The following ABLIM1 variants were observed in gnomAD, a reference collection of about 807,000 sequenced individuals.
The protein encoded by ABLIM1 is actin-binding LIM protein 1.
ABLIM1 carries 40 observed loss-of-function variants against 107.0 expected under a neutral mutation model. The observed-to-expected ratio is 0.37, with a 90% confidence interval of 0.29 to 0.49. The LOEUF (loss-of-function observed/expected upper bound fraction) is 0.49. ABLIM1 is among the 20% of genes least tolerant of loss of function. ABLIM1 has a pLI of 0.97. For missense variants in ABLIM1, 857 were observed against 1,008.5 expected (o/e 0.85, Z 2.04); for synonymous variants, 357 against 357.3 (o/e 1.00, Z 0.01).
intron 10 of ABLIM1, among the ~76,000 whole-genome samples, chr10:114,471,931 G>T (rs1454441523): frequency 1.3e-5 from 2 of 151,968 alleles, no homozygotes; most frequent in Admixed American, 6.5e-5. Context: ...AGAGTGAGCC[G>T]ATTGGCCAGG....
intron 3 of ABLIM1, 69 bp downstream of exon 3, chr10:114,575,347 T>C: frequency 2.6e-6 from 4 of 1,563,712 alleles, no homozygotes; most frequent in Non-Finnish European, 3.5e-6. Flanking sequence ...TAATCCAACC[T>C]TTAACAGCCC....
intron 1 of ABLIM1, among the ~76,000 whole-genome samples, chr10:114,756,706 C>G (rs1223149166): frequency 6.6e-6 from 1 of 152,164 alleles, no homozygotes; most frequent in Non-Finnish European, 1.5e-5. Flanking sequence ...AGCACCATTT[C>G]CTGTGCTTAG....
intron 6 of ABLIM1, among the ~76,000 whole-genome samples, chr10:114,540,128 T>G (rs1330736415): frequency 6.6e-6 from 1 of 152,148 alleles, no homozygotes; most frequent in African/African-American, 2.4e-5. Flanking sequence ...AAACAAGTGA[T>G]GAGAAATCAA....
upstream of ABLIM1, among the ~76,000 whole-genome samples, chr10:114,662,237 T>C (rs529423184): frequency 9.9e-5 from 15 of 152,094 alleles, no homozygotes; most frequent in African/African-American, 3.6e-4. Context: ...TTTTCATTTT[T>C]GTTGTTGTTT....
At chr10:114,786,840 C>T in the ABLIM1 span, among the ~76,000 whole-genome samples, 4 of 152,254 alleles carry the variant, frequency 2.6e-5, no homozygotes, top group Admixed American at 6.5e-5. Flanking sequence ...GATCTCGGCT[C>T]GCTACAACAT....
chr10:114,573,984 A>T (rs1025856530), intron 3 of ABLIM1, among the ~76,000 whole-genome samples: 2 of 152,214 alleles, frequency 1.3e-5, no homozygotes, highest in Admixed American at 6.5e-5. Flanking sequence ...ATTATGATTT[A>T]AAAAAATGAA....
intron 2 of ABLIM1, among the ~76,000 whole-genome samples, chr10:114,597,671 C>T (rs1030706719): frequency 6.6e-6 from 1 of 152,126 alleles, no homozygotes; most frequent in Non-Finnish European, 1.5e-5. Flanking sequence ...CAGAGATGGC[C>T]TGAGAATACG....
chr10:114,709,246 A>G (rs1484092145), intron 1 of ABLIM1, among the ~76,000 whole-genome samples: 1 of 152,178 alleles, frequency 6.6e-6, no homozygotes, highest in Non-Finnish European at 1.5e-5. Flanking sequence ...CACTGGAGTT[A>G]GATGGGAATG....
chr10:114,526,843 CA>C, intron 6 of ABLIM1: 1 of 985,466 alleles, frequency 1.0e-6, no homozygotes, highest in Non-Finnish European at 1.2e-6. Flanking sequence ...TCGGCTAAGG[CA>C]ACGTGCATCC....
At chr10:114,518,682 G>A (rs546001062) in intron 6 of ABLIM1, among the ~76,000 whole-genome samples, 3 of 151,836 alleles carry the variant, frequency 2.0e-5, no homozygotes, top group South Asian at 4.2e-4. Context: ...TAGCCCATAC[G>A]TAGCTGAGAC....
chr10:114,433,941 C>T lies in ABLIM1; in HGVS notation c.*2319G>A, dbSNP rs1220963429. The stretch of plus-strand genomic sequence containing the variant: ...AAACGTAGGGACCCTTTATTAGCTC[C>T]ATAATGAAAAAAATCTCTCCACCAG... On this transcript the variant is annotated 3_prime_UTR_variant, in exon 23 of 23. Transcript: ENST00000533213. The T allele has an allele frequency of 6.6e-6, 1 of 152,120 alleles. No homozygotes were observed. The highest frequency in any genetic ancestry group is 1.5e-5 in the Non-Finnish European group (1 of 68,032). The allele number at this position is 152,120 out of a possible 1,614,324, so 9.4% of individuals were successfully genotyped here. A position where few individuals can be genotyped will look rare whatever the true frequency, so the allele number is the denominator to read the frequency against.
intron 6 of ABLIM1, among the ~76,000 whole-genome samples, chr10:114,530,593 G>T (rs1339334050): frequency 6.6e-6 from 1 of 152,106 alleles, no homozygotes; most frequent in African/African-American, 2.4e-5. Context: ...GAGTGCAGTA[G>T]GGTGATCTCG....
chr10:114,461,173 C>T (rs2063815312), intron 12 of ABLIM1, among the ~76,000 whole-genome samples: 2 of 151,852 alleles, frequency 1.3e-5, no homozygotes, highest in Non-Finnish European at 2.9e-5. Context: ...AAGCAATCCT[C>T]CTGCTTCAGC....
intron 6 of ABLIM1, among the ~76,000 whole-genome samples, chr10:114,517,811 G>A (rs1032561372): frequency 1.3e-5 from 2 of 152,100 alleles, no homozygotes; most frequent in Admixed American, 6.5e-5. Context: ...GTGGTGCTGT[G>A]CTGGCAGAAA....
At chr10:114,535,420 C>T (rs536416270) in intron 6 of ABLIM1, among the ~76,000 whole-genome samples, 1 of 152,280 alleles carries the variant, frequency 6.6e-6, no homozygotes, top group South Asian at 2.1e-4. Flanking sequence ...AAGCGATCCT[C>T]CTGCCTCAGC....
At chr10:114,612,162 G>C (rs894626676) in intron 1 of ABLIM1, among the ~76,000 whole-genome samples, 4 of 152,206 alleles carry the variant, frequency 2.6e-5, no homozygotes, top group African/African-American at 9.6e-5. Flanking sequence ...TAAACGTTAA[G>C]AGGGGGACCT....
intron 4 of ABLIM1, among the ~76,000 whole-genome samples, chr10:114,557,032 C>T (rs1324492561): frequency 6.6e-6 from 1 of 152,192 alleles, no homozygotes; most frequent in Non-Finnish European, 1.5e-5. Flanking sequence ...AATACAAGGT[C>T]AGAAGACACA....
chr10:114,601,265 CT>C lies in ABLIM1; in HGVS notation c.379+561del, dbSNP rs781514757. 6.8e-3 allele frequency among the ~76,000 whole-genome samples: 939 copies of C among 137,788 alleles called. 2 individuals carry two copies. The highest frequency in any genetic ancestry group is 0.011 in the Middle Eastern group (3 of 264). 90.4% of individuals were successfully genotyped at this position (137,788 alleles called of 152,430 possible). A position where few individuals can be genotyped will look rare whatever the true frequency, so the allele number is the denominator to read the frequency against. On this transcript the variant is annotated intron_variant, in intron 2 of 22. Coordinates refer to ENST00000533213, the MANE Select transcript of ABLIM1 (RefSeq NM_002313.7). Reference sequence around the variant, plus strand: ...ACTGTATTTTTACTGCTCTTTCTTTCTTTTTTTTTTTTTTTTAAGACGGAGT... The same window carrying C: ...ACTGTATTTTTACTGCTCTTTCTTTCTTTTTTTTTTTTTTTAAGACGGAGT...
chr10:114,624,766 G>T (rs999207047), intron 1 of ABLIM1, among the ~76,000 whole-genome samples: 44 of 150,038 alleles, frequency 2.9e-4, no homozygotes, highest in African/African-American at 1.0e-3. Context: ...CAGGAGATTT[G>T]TTAAGATTTT....
Sources: gnomAD v4.1 joint callset for allele counts (sites outside exome capture counted in the v4.1 genomes callset) on GRCh38, gnomAD v4.1.1 for gene constraint, MANE v1.5 for transcripts, NCBI Gene and HGNC (gene_info 2026-07-23, HGNC 2026-07-21) for gene names.